SLC24A2: variants seen among roughly 807,000 people sequenced by gnomAD.
SLC24A2 encodes sodium/potassium/calcium exchanger 2.
A neutral mutation model predicts 62.0 loss-of-function variants in SLC24A2; 36 were observed. The observed-to-expected ratio is 0.58, with a 90% CI of 0.44 to 0.77. The LOEUF is 0.77. Ranked by LOEUF, SLC24A2 falls within the 30% of genes least tolerant of loss-of-function variation. The pLI is 0.00. For synonymous variants in SLC24A2, 358 were observed against 294.0 expected, an observed-to-expected ratio of 1.22 and a Z score of -2.23; for missense variants, 846 against 817.9, an observed-to-expected ratio of 1.03 and a Z score of -0.42.
chr9:19,579,021 A>G (rs1000973074), intron 5 of SLC24A2, among the ~76,000 whole-genome samples: 8 of 152,144 alleles, frequency 5.3e-5, no homozygotes, highest in African/African-American at 1.9e-4. Flanking sequence ...TGGGCTTCCT[A>G]AGGAGTGAGA....
chr9:19,946,731 G>A, the SLC24A2 span, among the ~76,000 whole-genome samples: 1 of 152,270 alleles, frequency 6.6e-6, no homozygotes, highest in Non-Finnish European at 1.5e-5. Context: ...CACATTCTGA[G>A]ATTTTTAAAA....
chr9:20,026,094 C>T, the SLC24A2 span, among the ~76,000 whole-genome samples: 2 of 151,936 alleles, frequency 1.3e-5, no homozygotes, highest in Non-Finnish European at 2.9e-5. Flanking sequence ...TTTTCTTTAC[C>T]TCAGCAATAG....
At chr9:20,168,835 C>A in the SLC24A2 span, among the ~76,000 whole-genome samples, 1 of 152,012 alleles carries the variant, frequency 6.6e-6, no homozygotes, top group Non-Finnish European at 1.5e-5. Context: ...CATGACCCGG[C>A]AGTTTCACTC....
chr9:20,118,049 A>G, the SLC24A2 span, among the ~76,000 whole-genome samples: 1 of 152,106 alleles, frequency 6.6e-6, no homozygotes, highest in Non-Finnish European at 1.5e-5. Context: ...TTATTACTCC[A>G]TTATAGAAGG....
chr9:20,008,341 C>T, the SLC24A2 span, among the ~76,000 whole-genome samples: 1 of 152,092 alleles, frequency 6.6e-6, no homozygotes, highest in Non-Finnish European at 1.5e-5. Context: ...ACAGAGGTGT[C>T]TTTGGACTCA....
intron 2 of SLC24A2, among the ~76,000 whole-genome samples, chr9:19,748,045 T>C (rs755704515): frequency 2.6e-5 from 4 of 152,200 alleles, no homozygotes; most frequent in Non-Finnish European, 1.5e-5. Context: ...TCTTAGCCTA[T>C]ACAGATTTTC....
At chr9:20,049,331 T>G in the SLC24A2 span, among the ~76,000 whole-genome samples, 1 of 152,204 alleles carries the variant, frequency 6.6e-6, no homozygotes, top group Non-Finnish European at 1.5e-5. Context: ...CTCCACTGAG[T>G]GAGCGCATTA....
chr9:19,780,386 G>A (rs987999189), intron 2 of SLC24A2, among the ~76,000 whole-genome samples: 3 of 150,986 alleles, frequency 2.0e-5, no homozygotes, highest in Non-Finnish European at 4.4e-5. Context: ...TTCTGCCTCA[G>A]CCTCCTGAGT....
chr9:19,995,147 T>C, the SLC24A2 span, among the ~76,000 whole-genome samples: 1 of 152,100 alleles, frequency 6.6e-6, no homozygotes, highest in Non-Finnish European at 1.5e-5. Flanking sequence ...GATTGAGGAT[T>C]GAAATCTGGT....
the SLC24A2 span, among the ~76,000 whole-genome samples, chr9:20,306,123 A>T: frequency 6.6e-6 from 1 of 152,178 alleles, no homozygotes; most frequent in African/African-American, 2.4e-5. Context: ...TATGAATTGG[A>T]TAGGGACACA....
chr9:20,151,325 C>G, the SLC24A2 span, among the ~76,000 whole-genome samples: 1 of 151,894 alleles, frequency 6.6e-6, no homozygotes, highest in Non-Finnish European at 1.5e-5. Context: ...CCTACCCTTT[C>G]AGCCTTACCA....
chr9:19,896,396 C>T, the SLC24A2 span, among the ~76,000 whole-genome samples: 2 of 152,218 alleles, frequency 1.3e-5, no homozygotes, highest in African/African-American at 4.8e-5. Flanking sequence ...CACTGGTGTA[C>T]AGTGCTTGAG....
the SLC24A2 span, among the ~76,000 whole-genome samples, chr9:20,193,697 AAT>A: frequency 1.3e-5 from 2 of 152,126 alleles, no homozygotes; most frequent in Non-Finnish European, 2.9e-5. Context: ...TATGTAACCC[AAT>A]AGAGAGACAT....
chr9:19,567,312 C>T (rs191804789), intron 7 of SLC24A2, among the ~76,000 whole-genome samples: 11 of 151,620 alleles, frequency 7.3e-5, no homozygotes, highest in South Asian at 2.1e-4. Context: ...TTTGGGAGGC[C>T]GAGGTGGGTG....
intron 2 of SLC24A2, among the ~76,000 whole-genome samples, chr9:19,757,572 C>T (rs1443252746): frequency 1.3e-5 from 2 of 152,132 alleles, no homozygotes; most frequent in Admixed American, 6.6e-5. Flanking sequence ...AAGGGCCAGG[C>T]CCATAACTGA....
chr9:20,278,345 A>C, the SLC24A2 span, among the ~76,000 whole-genome samples: 1 of 152,196 alleles, frequency 6.6e-6, no homozygotes, highest in East Asian at 1.9e-4. Context: ...TATAAGTTCC[A>C]ACTCCAGACC....
intron 4 of SLC24A2, among the ~76,000 whole-genome samples, chr9:19,618,408 G>T (rs1817823485): frequency 6.6e-6 from 1 of 152,124 alleles, no homozygotes. Context: ...GTGGAGGAAG[G>T]CTTCTTGGAG....
At chr9:20,286,935 TAA>T in the SLC24A2 span, among the ~76,000 whole-genome samples, 1 of 152,174 alleles carries the variant, frequency 6.6e-6, no homozygotes, top group Admixed American at 6.5e-5. Flanking sequence ...GTTATGATTA[TAA>T]GGATGTAGAT....
the SLC24A2 span, among the ~76,000 whole-genome samples, chr9:19,830,121 G>T: frequency 6.6e-6 from 1 of 152,060 alleles, no homozygotes; most frequent in South Asian, 2.1e-4. Flanking sequence ...AGAGTTCCAA[G>T]TTATCTCTCC....
Sources: gnomAD v4.1 joint callset for allele counts (sites outside exome capture counted in the v4.1 genomes callset) on GRCh38, gnomAD v4.1.1 for gene constraint, MANE v1.5 for transcripts, NCBI Gene and HGNC (gene_info 2026-07-23, HGNC 2026-07-21) for gene names.